Variants in LUC7L2 observed in about 807,000 individuals in gnomAD.
The protein encoded by LUC7L2 is LUC7 like 2, pre-mRNA splicing factor, also known as putative RNA-binding protein Luc7-like 2.
In LUC7L2, 25 loss-of-function variants were observed where a neutral mutation model predicts 52.8. The observed-to-expected ratio is 0.47, with a 90% CI of 0.34 to 0.66. The LOEUF is 0.66. Ranked by LOEUF, LUC7L2 falls within the 30% of genes least tolerant of loss-of-function variation. LUC7L2 has a pLI of 0.01. For synonymous variants in LUC7L2, 144 were observed against 160.9 expected (o/e 0.89, Z 0.80); for missense variants, 328 against 497.8 (o/e 0.66, Z 3.25).
chr7:139,382,857 A>G (rs1218984815), intron 2 of LUC7L2, among the ~76,000 whole-genome samples: 2 of 151,812 alleles, frequency 1.3e-5, no homozygotes, highest in Non-Finnish European at 2.9e-5. Flanking sequence ...TGCTTCCCTG[A>G]CTCTGTTTTA....
At chr7:139,379,638 C>T (rs1251654822) in intron 2 of LUC7L2, among the ~76,000 whole-genome samples, 8 of 130,734 alleles carry the variant, frequency 6.1e-5, no homozygotes, top group African/African-American at 8.7e-5. Flanking sequence ...GGCATGATCT[C>T]GGCTCACTGC....
At position 139,388,164 on chromosome 7, in the gene LUC7L2, A is replaced by G. The variant is rs1794289173; in HGVS notation, c.157-10435A>G. Reference sequence around the variant, plus strand: ...AAAAAAATTTATCTCATTTGTGTATATATTCTCATTCTCTCTCTCTTTCCA... The same window carrying G: ...AAAAAAATTTATCTCATTTGTGTATGTATTCTCATTCTCTCTCTCTTTCCA... On this transcript the variant is annotated intron_variant, in intron 2 of 9. Coordinates refer to ENST00000354926, the MANE Select transcript of LUC7L2 (RefSeq NM_016019.5). 2.0e-5 allele frequency among the ~76,000 whole-genome samples: 3 copies of G among 152,166 alleles called. No individual in the cohort carries two copies. The South Asian group carries it at 6.2e-4, about 31-fold the overall frequency.
intron 2 of LUC7L2, among the ~76,000 whole-genome samples, chr7:139,380,411 A>G (rs937359364): frequency 6.6e-6 from 1 of 151,916 alleles, no homozygotes; most frequent in Admixed American, 6.6e-5. Flanking sequence ...CAGCCTGGCC[A>G]ACATGTTGAA....
chr7:139,408,308 C>T (rs1161255795), intron 6 of LUC7L2, among the ~76,000 whole-genome samples: 2 of 152,096 alleles, frequency 1.3e-5, no homozygotes, highest in Non-Finnish European at 2.9e-5. Flanking sequence ...TCCAGTGGTT[C>T]CTACTTGGGA....
At chr7:139,340,755 C>CT in intron 1 of LUC7L2, 1 of 372,778 alleles carries the variant, frequency 2.7e-6, no homozygotes, top group Non-Finnish European at 4.7e-6. Flanking sequence ...ATTGTGGGTT[C>CT]GAGTCCCATC....
chr7:139,398,983 T>C (rs1214877494), intron 3 of LUC7L2, among the ~76,000 whole-genome samples: 1 of 152,162 alleles, frequency 6.6e-6, no homozygotes, highest in Non-Finnish European at 1.5e-5. Flanking sequence ...ATCAAGCAAA[T>C]GTAAGCAACT....
At chr7:139,416,830 C>G (rs948926131) in intron 8 of LUC7L2, 9 of 152,048 alleles carry the variant, frequency 5.9e-5, no homozygotes, top group African/African-American at 2.2e-4. Context: ...CTCATCTCTT[C>G]TCTTCCCTTC....
intron 3 of LUC7L2, 100 bp downstream of exon 3, chr7:139,398,797 T>C (rs1180082597): frequency 5.5e-6 from 6 of 1,092,434 alleles, no homozygotes; most frequent in Non-Finnish European, 7.6e-6. Context: ...TAGCAGTTTA[T>C]CCTCTGGTTA....
At chr7:139,418,972 A>G (rs1326584154) in intron 9 of LUC7L2, among the ~76,000 whole-genome samples, 2 of 152,186 alleles carry the variant, frequency 1.3e-5, no homozygotes, top group East Asian at 3.9e-4. Flanking sequence ...TTAGCCGGGC[A>G]TGGTGGCACA....
chr7:139,399,372 G>A (rs953493966), intron 3 of LUC7L2, among the ~76,000 whole-genome samples: 4 of 148,124 alleles, frequency 2.7e-5, no homozygotes, highest in Non-Finnish European at 4.5e-5. Flanking sequence ...GTGCATTCAT[G>A]GATTTTGGTA....
At chr7:139,388,219 A>G (rs1387181497) in intron 2 of LUC7L2, among the ~76,000 whole-genome samples, 1 of 152,298 alleles carries the variant, frequency 6.6e-6, no homozygotes, top group Non-Finnish European at 1.5e-5. Context: ...TCTTTGTGTG[A>G]TAAGACCTCT....
chr7:139,369,738 A>C (rs1486850888), intron 1 of LUC7L2, among the ~76,000 whole-genome samples: 1 of 152,188 alleles, frequency 6.6e-6, no homozygotes, highest in Non-Finnish European at 1.5e-5. Context: ...AGCAAGAATG[A>C]ACTTGTTCTG....
At chr7:139,367,116 C>T (rs905722631) in intron 1 of LUC7L2, among the ~76,000 whole-genome samples, 52 of 152,158 alleles carry the variant, frequency 3.4e-4, no homozygotes, top group African/African-American at 1.1e-3. Flanking sequence ...AGATGACAGG[C>T]ATGCACTGTC....
intron 8 of LUC7L2, among the ~76,000 whole-genome samples, chr7:139,414,721 C>T (rs547980901): frequency 2.6e-5 from 4 of 152,284 alleles, no homozygotes; most frequent in African/African-American, 4.8e-5. Flanking sequence ...AGGGACTTTG[C>T]ATCTGTGTTC....
At chr7:139,398,098 A>G (rs1276237283) in intron 2 of LUC7L2, among the ~76,000 whole-genome samples, 1 of 152,176 alleles carries the variant, frequency 6.6e-6, no homozygotes, top group Non-Finnish European at 1.5e-5. Flanking sequence ...GGCTCAAGCG[A>G]TCCTCCTGCC....
At chr7:139,381,328 G>A (rs1801004019) in intron 2 of LUC7L2, among the ~76,000 whole-genome samples, 1 of 151,390 alleles carries the variant, frequency 6.6e-6, no homozygotes, top group South Asian at 2.1e-4. Context: ...AGGCTAGTTC[G>A]TTCTATTTCA....
chr7:139,382,078 G>A (rs1481871623), intron 2 of LUC7L2, among the ~76,000 whole-genome samples: 3 of 151,838 alleles, frequency 2.0e-5, no homozygotes, highest in African/African-American at 7.3e-5. Context: ...TTTTAGTAGA[G>A]ATGGAGTTTC....
intron 1 of LUC7L2, among the ~76,000 whole-genome samples, chr7:139,352,443 A>G (rs1799486414): frequency 6.6e-6 from 1 of 152,220 alleles, no homozygotes; most frequent in Non-Finnish European, 1.5e-5. Context: ...TGCAGCAGTG[A>G]GCCATGTTTG....
At chr7:139,367,477 TAAAC>T (rs1265137355) in intron 1 of LUC7L2, among the ~76,000 whole-genome samples, 4 of 152,236 alleles carry the variant, frequency 2.6e-5, no homozygotes, top group Non-Finnish European at 4.4e-5. Context: ...TTAAATTTAT[TAAAC>T]AAGTACTGTT....
Sources: allele counts gnomAD v4.1 joint callset (sites outside exome capture counted in the v4.1 genomes callset), GRCh38; gene constraint gnomAD v4.1.1; transcripts MANE v1.5; gene names NCBI Gene and HGNC (gene_info 2026-07-23, HGNC 2026-07-21).